NBPF11: variants seen among roughly 807,000 people sequenced by gnomAD.
The protein encoded by NBPF11 is NBPF family member NBPF11.
NBPF11 carries 72 observed loss-of-function variants against 93.9 expected under a neutral mutation model. The observed-to-expected ratio is 0.77, with a 90% CI of 0.63 to 0.93. NBPF11 has a LOEUF of 0.93. Among genes scored for constraint, NBPF11 ranks in the 40% least tolerant of loss-of-function variants. The pLI, the probability that NBPF11 is intolerant of heterozygous loss-of-function variation, is 0.00. For synonymous variants in NBPF11, 224 were observed against 304.9 expected, an observed-to-expected ratio of 0.73 and a Z score of 2.76; for missense variants, 705 against 802.2, an observed-to-expected ratio of 0.88 and a Z score of 1.46.
intron 23 of NBPF11, among the ~76,000 whole-genome samples, chr1:148,104,281 A>G (rs1233589478): frequency 6.9e-6 from 1 of 145,306 alleles, no homozygotes; most frequent in Non-Finnish European, 1.5e-5. Flanking sequence ...TTTCCATAAA[A>G]TATGCTCAAA....
intron 17 of NBPF11, among the ~76,000 whole-genome samples, chr1:148,108,945 A>T (rs1664558014): frequency 6.6e-6 from 1 of 150,574 alleles, no homozygotes; most frequent in Non-Finnish European, 1.5e-5. Flanking sequence ...GTCAAAGGAC[A>T]CTCTGTATTT....
At chr1:148,147,165 C>T (rs1314586072) in intron 1 of NBPF11, among the ~76,000 whole-genome samples, 2 of 152,150 alleles carry the variant, frequency 1.3e-5, no homozygotes, top group Non-Finnish European at 2.9e-5. Context: ...TCCCTGGGAA[C>T]CCCTGGCCTG....
Position 148,102,349 on chromosome 1 carries a change from T to C in NBPF11, c.*1547A>G, listed in dbSNP as rs1243185753. On this transcript the variant is annotated 3_prime_UTR_variant, in exon 24 of 24. Coordinates refer to ENST00000682118, the MANE Select transcript of NBPF11 (RefSeq NM_001385469.3). ...ACAGGCAGGGAGGATTAATAAATGA[T>C]AAAATGTTTAGAGGATGATCATTAG... The C allele has an allele frequency of 1.3e-5, 2 of 151,894 alleles. No individual in the cohort carries two copies. Among genetic ancestry groups the C allele is most frequent in the African/African-American group, 4.9e-5 (2 of 41,176 alleles). 9.4% of individuals were successfully genotyped at this position (151,894 alleles called of 1,614,324 possible).
Position 148,109,205 on chromosome 1 carries a change from C to T in NBPF11, c.1853+79G>A. On this transcript the variant is annotated intron_variant, in intron 17 of 23. Transcript: ENST00000682118. ...TCTGACAAGACAAAATCATGATTTT[C>T]AGCGTGTACTGTTTTCCCTGGACTT... The T allele has an allele frequency of 6.0e-6, 6 of 1,003,410 alleles. No individual in the cohort carries two copies. In the South Asian group the frequency reaches 6.3e-5, roughly 11 times the overall value. 62.2% of individuals were successfully genotyped at this position (1,003,410 alleles called of 1,614,324 possible).
At chr1:148,120,792 T>C (rs1458380322) in intron 9 of NBPF11, 82 bp from the exon 10 acceptor site, 32 of 1,014,116 alleles carry the variant, frequency 3.2e-5, no homozygotes, top group South Asian at 2.5e-4. Context: ...GGGATGTCAC[T>C]GGTAGCCTTG....
chr1:148,108,321 G>T (rs1553267730), intron 18 of NBPF11, among the ~76,000 whole-genome samples, 161 bp downstream of exon 18: 1 of 151,134 alleles, frequency 6.6e-6, no homozygotes, highest in Admixed American at 6.6e-5. Flanking sequence ...CCTTGTCTGG[G>T]CTTCCAAGTG....
chr1:148,137,345 G>C (rs1325007701), intron 3 of NBPF11, among the ~76,000 whole-genome samples: 3 of 151,330 alleles, frequency 2.0e-5, no homozygotes, highest in African/African-American at 7.3e-5. Flanking sequence ...CTGTCTCCCC[G>C]CTGACAGCCA....
chr1:148,105,761 GAC>G (rs374698395), intron 21 of NBPF11, among the ~76,000 whole-genome samples: 5 of 89,384 alleles, frequency 5.6e-5, no homozygotes, highest in Admixed American at 1.1e-4. Flanking sequence ...CACACACAAA[GAC>G]ACACACACAC....
In NBPF11 at chr1:148,122,768, A is replaced by C. The variant is rs781871398; in HGVS notation, c.527T>G (p.Val176Gly). The change falls in exon 8 of 24, where the codon GTT becomes GGT. Residue 176 changes from valine (V) to glycine (G), a missense_variant. Coordinates refer to ENST00000682118, the MANE Select transcript of NBPF11 (RefSeq NM_001385469.3). ...NDEDEDEDVQ[V>G]EEDEKVLESS... is the part of the protein sequence containing the mutation. Reference sequence around the variant, plus strand: ...TTCCAGTACTTTCTCATCCTCCTCAACTTGAACATCTTCATCCTCATCTTC... The same window carrying C: ...TTCCAGTACTTTCTCATCCTCCTCACCTTGAACATCTTCATCCTCATCTTC... The C allele has an allele frequency of 5.4e-5, 87 of 1,609,966 alleles. No individual in the cohort carries two copies. The highest frequency in any genetic ancestry group is 2.0e-4 in the Middle Eastern group (1 of 4,968).
At position 148,146,914 on chromosome 1, in the gene NBPF11, C is replaced by T. The variant is rs1243987231; in HGVS notation, c.-548-3228G>A. 47 of 1,611,118 alleles carry T rather than the reference C, an allele frequency of 2.9e-5. 1 individual carries two copies. The highest frequency in any genetic ancestry group is 1.9e-4 in the African/African-American group (14 of 74,762). ...CATCGACGCCACCTGGCAGGCCCTG[C>T]GCACCAGGTGAGGGCGACCCTGGGG... On this transcript the variant is annotated intron_variant, in intron 1 of 23. Coordinates refer to ENST00000682118, the MANE Select transcript of NBPF11 (RefSeq NM_001385469.3).
chr1:148,134,787 G>A (rs1205657077), intron 4 of NBPF11, among the ~76,000 whole-genome samples: 1 of 151,936 alleles, frequency 6.6e-6, no homozygotes, highest in Non-Finnish European at 1.5e-5. Flanking sequence ...GAGACTGCCA[G>A]GCTGAGGGAC....
At chr1:148,121,647 G>T (rs1365991493) in intron 9 of NBPF11, among the ~76,000 whole-genome samples, 8 of 151,748 alleles carry the variant, frequency 5.3e-5, no homozygotes, top group Admixed American at 1.3e-4. Flanking sequence ...GACCCACTGC[G>T]CCCAGCCAAG....
At chr1:148,111,649 T>C (rs1489697494) in intron 15 of NBPF11, among the ~76,000 whole-genome samples, 2 of 151,254 alleles carry the variant, frequency 1.3e-5, no homozygotes, top group Non-Finnish European at 2.9e-5. Context: ...CAAGAAACGG[T>C]ATCAGTGATT....
In NBPF11 at chr1:148,120,443, C is replaced by T; in HGVS notation, c.988+58G>A. 3.6e-6 allele frequency: 3 copies of T among 828,002 alleles called. No homozygotes were observed. In the South Asian group the frequency reaches 4.0e-5, roughly 11 times the overall value. 51.3% of individuals were successfully genotyped at this position (828,002 alleles called of 1,614,324 possible). A position where few individuals can be genotyped will look rare whatever the true frequency, so the allele number is the denominator to read the frequency against. ...TTGATGGAGAGAGCACTTAGTTTCT[C>T]AGAGAGAAGACAGGACTTCGTTCAT... is the stretch of plus-strand genomic sequence containing the variant. On this transcript the variant is annotated intron_variant, in intron 10 of 23. Transcript: ENST00000682118.
At chr1:148,106,722 T>C (rs1172802439) in intron 20 of NBPF11, among the ~76,000 whole-genome samples, 23 of 148,656 alleles carry the variant, frequency 1.5e-4, no homozygotes, top group East Asian at 6.0e-4. Flanking sequence ...CAGGTTGCCA[T>C]AGGCATGGCT....
chr1:148,146,198 C>G (rs1672995219), intron 1 of NBPF11, among the ~76,000 whole-genome samples: 1 of 151,622 alleles, frequency 6.6e-6, no homozygotes, highest in African/African-American at 2.4e-5. Flanking sequence ...GGTTGCGAGG[C>G]TCCCTGGGGC....
chr1:148,134,520 T>TA (rs1670953287), intron 4 of NBPF11, among the ~76,000 whole-genome samples: 1 of 148,052 alleles, frequency 6.8e-6, no homozygotes, highest in Non-Finnish European at 1.5e-5. Context: ...GAGGGGATGT[T>TA]ATGGGGAAAC....
intron 4 of NBPF11, among the ~76,000 whole-genome samples, chr1:148,129,260 TA>T (rs1669852304): frequency 6.8e-6 from 1 of 147,418 alleles, no homozygotes; most frequent in Non-Finnish European, 1.5e-5. Context: ...TGTATATATA[TA>T]ATACGTGTAT....
At chr1:148,108,220 C>A (rs1223730617) in intron 18 of NBPF11, among the ~76,000 whole-genome samples, 2 of 151,454 alleles carry the variant, frequency 1.3e-5, no homozygotes, top group Non-Finnish European at 2.9e-5. Context: ...GAATTTGTCA[C>A]ATCTGCCCAG....
Sources: gnomAD v4.1 joint callset for allele counts (sites outside exome capture counted in the v4.1 genomes callset) on GRCh38, gnomAD v4.1.1 for gene constraint, MANE v1.5 for transcripts, NCBI Gene and HGNC (gene_info 2026-07-23, HGNC 2026-07-21) for gene names.